The following MTHFD2L variants were observed in gnomAD, a reference collection of about 807,000 sequenced individuals.
The protein encoded by MTHFD2L is bifunctional methylenetetrahydrofolate dehydrogenase/cyclohydrolase 2, mitochondrial.
A neutral mutation model predicts 34.9 loss-of-function variants in MTHFD2L; 29 were observed. That is an observed-to-expected ratio of 0.83 (90% CI 0.62 to 1.13). MTHFD2L has a LOEUF of 1.13. Among genes scored for constraint, MTHFD2L ranks in the 50% most tolerant of loss-of-function variants. The pLI, the probability that MTHFD2L is intolerant of heterozygous loss-of-function variation, is 0.00. For missense variants in MTHFD2L, 481 were observed against 446.5 expected (o/e 1.08, Z -0.70); for synonymous variants, 167 against 155.7 (o/e 1.07, Z -0.54).
At chr4:74,213,483 C>G (rs1357272143) in intron 5 of MTHFD2L, among the ~76,000 whole-genome samples, 1 of 152,088 alleles carries the variant, frequency 6.6e-6, no homozygotes, top group Non-Finnish European at 1.5e-5. Flanking sequence ...ATATGAAATT[C>G]TGGATTGAAA....
In MTHFD2L at chr4:74,281,815, A is replaced by G. The variant is rs964391846; in HGVS notation, c.931+265A>G. Reference sequence around the variant, plus strand: ...ATTTGGTTTAGGGATCAAATTTCTTATAGTACAGTTTTTATTGATAGAATA... The same window carrying G: ...ATTTGGTTTAGGGATCAAATTTCTTGTAGTACAGTTTTTATTGATAGAATA... On this transcript the variant is annotated intron_variant, in intron 7 of 7. Coordinates refer to ENST00000325278, the MANE Select transcript of MTHFD2L (RefSeq NM_001144978.3). 7.9e-5 allele frequency among the ~76,000 whole-genome samples: 12 copies of G among 151,530 alleles called. No individual in the cohort carries two copies. In the East Asian group the frequency reaches 1.8e-3, roughly 22 times the overall value.
upstream of MTHFD2L, chr4:74,157,468 G>A: frequency 5.6e-6 from 2 of 359,920 alleles, no homozygotes; most frequent in Non-Finnish European, 5.5e-6. Context: ...CACCACACAA[G>A]CTCACCACAC....
chr4:74,266,810 A>T (rs1201972452), intron 6 of MTHFD2L: 18 of 978,548 alleles, frequency 1.8e-5, no homozygotes, highest in Non-Finnish European at 2.2e-5. Flanking sequence ...AGAATGCTTA[A>T]AGGTTGTAGG....
At chr4:74,116,418 G>A (rs563479117) in intron 2 of MTHFD2L, among the ~76,000 whole-genome samples, 1 of 152,206 alleles carries the variant, frequency 6.6e-6, no homozygotes, top group South Asian at 2.1e-4. Flanking sequence ...AAGGAGAACT[G>A]TAAAGAAATA....
At chr4:74,255,863 G>A (rs1233063577) in intron 6 of MTHFD2L, among the ~76,000 whole-genome samples, 2 of 152,078 alleles carry the variant, frequency 1.3e-5, no homozygotes, top group Non-Finnish European at 2.9e-5. Flanking sequence ...ACCATTCCAT[G>A]GTGTATATGT....
rs573184882 is a variant in MTHFD2L, at chr4:74,174,694, G to A, written c.328+4G>A. On this transcript the variant is annotated splice_donor_region_variant and intron_variant, in intron 2 of 7. Coordinates refer to ENST00000325278, the MANE Select transcript of MTHFD2L (RefSeq NM_001144978.3). ...ATAAGAGCTGCCTCTGCTGTAGGTGGGTGTGTGTTTTAGTTGTAATTACTA... is the reference window on the plus strand; with the variant it reads ...ATAAGAGCTGCCTCTGCTGTAGGTGAGTGTGTGTTTTAGTTGTAATTACTA... 5 of 1,473,484 alleles carry A rather than the reference G, an allele frequency of 3.4e-6. No homozygotes were observed. The African/African-American group carries it at 7.3e-5, about 21-fold the overall frequency. The allele number at this position is 1,473,484 out of a possible 1,614,324, so 91.3% of individuals were successfully genotyped here.
intron 6 of MTHFD2L, among the ~76,000 whole-genome samples, chr4:74,269,207 G>A (rs1016730453): frequency 3.9e-5 from 6 of 152,080 alleles, no homozygotes; most frequent in African/African-American, 1.4e-4. Context: ...TTCTGCATTA[G>A]TAAGAAACCC....
chr4:74,210,985 T>C (rs757612828), intron 5 of MTHFD2L, among the ~76,000 whole-genome samples: 13 of 152,166 alleles, frequency 8.5e-5, no homozygotes, highest in Non-Finnish European at 1.8e-4. Context: ...TGGCTGTTTT[T>C]CTGTTATTGG....
intron 7 of MTHFD2L, among the ~76,000 whole-genome samples, chr4:74,296,534 C>T (rs1205931055): frequency 6.6e-6 from 1 of 152,058 alleles, no homozygotes; most frequent in Non-Finnish European, 1.5e-5. Flanking sequence ...AGTGTGAAAA[C>T]CGTTTGCACA....
intron 1 of MTHFD2L, among the ~76,000 whole-genome samples, chr4:74,145,439 G>T (rs1723539947): frequency 6.6e-6 from 1 of 152,112 alleles, no homozygotes; most frequent in Non-Finnish European, 1.5e-5. Flanking sequence ...TGTCGGGGAG[G>T]CAGGGAGGTG....
chr4:74,192,085 C>A (rs1560469695), intron 3 of MTHFD2L, among the ~76,000 whole-genome samples: 3 of 151,948 alleles, frequency 2.0e-5, no homozygotes, highest in African/African-American at 7.3e-5. Flanking sequence ...AAGAAAAAGA[C>A]AGAAATTTCT....
At chr4:74,206,896 T>C (rs973196973) in intron 5 of MTHFD2L, among the ~76,000 whole-genome samples, 1 of 152,158 alleles carries the variant, frequency 6.6e-6, no homozygotes, top group South Asian at 2.1e-4. Context: ...ATTCTTTTAT[T>C]TTAATTTTGA....
At chr4:74,240,127 A>C (rs1416538634) in intron 6 of MTHFD2L, among the ~76,000 whole-genome samples, 3 of 152,188 alleles carry the variant, frequency 2.0e-5, no homozygotes, top group African/African-American at 7.2e-5. Flanking sequence ...CCTCTACTTA[A>C]TGATAAATTT....
At chr4:74,228,896 G>A (rs970695805) in intron 6 of MTHFD2L, among the ~76,000 whole-genome samples, 2 of 152,170 alleles carry the variant, frequency 1.3e-5, no homozygotes, top group African/African-American at 4.8e-5. Flanking sequence ...ACCACCAGAG[G>A]GCGCCAGTCA....
intron 6 of MTHFD2L, among the ~76,000 whole-genome samples, chr4:74,260,461 T>A (rs1164146065): frequency 6.6e-6 from 1 of 152,090 alleles, no homozygotes; most frequent in African/African-American, 2.4e-5. Flanking sequence ...GGTTAAATAT[T>A]AAAGCCTAGA....
intron 5 of MTHFD2L, among the ~76,000 whole-genome samples, chr4:74,205,658 A>G (rs1358438734): frequency 6.6e-6 from 1 of 152,140 alleles, no homozygotes; most frequent in Non-Finnish European, 1.5e-5. Flanking sequence ...AAGTAAAGGG[A>G]TAGTGCTGAC....
chr4:74,180,541 T>A (rs1729938930), intron 3 of MTHFD2L: 1 of 169,614 alleles, frequency 5.9e-6, no homozygotes. Flanking sequence ...TTCTAATGTT[T>A]GAAGACAGGT....
chr4:74,245,780 A>C (rs894667537), intron 6 of MTHFD2L, among the ~76,000 whole-genome samples: 1 of 152,010 alleles, frequency 6.6e-6, no homozygotes, highest in Non-Finnish European at 1.5e-5. Flanking sequence ...TTCCAGTTTC[A>C]TCCATGTCCC....
At chr4:74,185,438 T>A (rs1053941868) in intron 3 of MTHFD2L, among the ~76,000 whole-genome samples, 1 of 151,272 alleles carries the variant, frequency 6.6e-6, no homozygotes, top group Non-Finnish European at 1.5e-5. Flanking sequence ...TCAGAGCAAA[T>A]TAAACACAAC....
Sources: gnomAD v4.1 joint callset for allele counts (sites outside exome capture counted in the v4.1 genomes callset) on GRCh38, gnomAD v4.1.1 for gene constraint, MANE v1.5 for transcripts, NCBI Gene and HGNC (gene_info 2026-07-23, HGNC 2026-07-21) for gene names.